APAF1: variants seen among roughly 807,000 people sequenced by gnomAD.
APAF1 encodes the protein apoptotic protease-activating factor 1.
In APAF1, 91 loss-of-function variants were observed where a neutral mutation model predicts 152.4. The ratio of observed to expected loss-of-function variants is 0.60; its 90% confidence interval spans 0.50 to 0.71. The LOEUF (loss-of-function observed/expected upper bound fraction) is 0.71. APAF1 is among the 30% of genes least tolerant of loss of function. The pLI is 0.00. For synonymous variants in APAF1, 484 were observed against 494.1 expected, an observed-to-expected ratio of 0.98 and a Z score of 0.27; for missense variants, 1,283 against 1,472.0, an observed-to-expected ratio of 0.87 and a Z score of 2.10.
intron 5 of APAF1, 110 bp from the exon 6 acceptor site, chr12:98,662,343 GTTT>G (rs201869264): frequency 1.0e-5 from 8 of 763,646 alleles, no homozygotes; most frequent in Non-Finnish European, 1.5e-5. Flanking sequence ...CCATCTATTT[GTTT>G]TAAAAAAAAT....
chr12:98,720,381 G>A (rs1486668499), intron 22 of APAF1, among the ~76,000 whole-genome samples: 5 of 152,132 alleles, frequency 3.3e-5, no homozygotes, highest in Non-Finnish European at 5.9e-5. Context: ...ATGACTGGTT[G>A]GGTTTTGTTT....
intron 22 of APAF1, among the ~76,000 whole-genome samples, chr12:98,720,880 T>C (rs1167316021): frequency 6.6e-6 from 1 of 151,618 alleles, no homozygotes; most frequent in Non-Finnish European, 1.5e-5. Context: ...GGCAGGAGAA[T>C]GGCATGAATC....
chr12:98,659,585 C>G (rs1040336074), intron 5 of APAF1, among the ~76,000 whole-genome samples: 6 of 151,926 alleles, frequency 3.9e-5, no homozygotes, highest in African/African-American at 1.5e-4. Flanking sequence ...AACCCCATCT[C>G]TACTAAACAT....
chr12:98,654,872 C>A (rs1593022358), intron 4 of APAF1, among the ~76,000 whole-genome samples: 2 of 89,976 alleles, frequency 2.2e-5, no homozygotes, highest in Admixed American at 2.8e-4. Context: ...GGGTGTTTCT[C>A]ACAGAGGGGG....
At position 98,677,710 on chromosome 12, in the gene APAF1, T is replaced by A. The variant is rs562553520; in HGVS notation, c.1920+159T>A. Among the ~76,000 whole-genome samples the A allele has an allele frequency of 7.9e-5, 12 of 152,346 alleles. No individual in the cohort carries two copies. The East Asian group carries it at 2.3e-3, about 29-fold the overall frequency. On this transcript the variant is annotated intron_variant, in intron 13 of 26. Coordinates refer to ENST00000551964, the MANE Select transcript of APAF1 (RefSeq NM_181861.2). ...TTTATTAAAGGTTTCTCTAGAGATT[T>A]AAAAGATACAGTTACATGTTTTCCT...
rs374689156 is a variant in APAF1 at position 98,649,026 on chromosome 12, GATA to G, written c.328+218_328+220del. Reference sequence around the variant, plus strand: ...CTTGCCCAGTGAACTGTACTGCTGAGATAATAATATGTCTACCCTAATTTTTAG... The same window carrying G: ...CTTGCCCAGTGAACTGTACTGCTGAGATAATATGTCTACCCTAATTTTTAG... On this transcript the variant is annotated intron_variant, in intron 3 of 26. Coordinates refer to ENST00000551964, the MANE Select transcript of APAF1 (RefSeq NM_181861.2). The G allele has an allele frequency of 5.8e-4, 412 of 707,594 alleles. 1 individual carries two copies. The African/African-American group carries it at 6.4e-3, about 11-fold the overall frequency. 43.8% of individuals were successfully genotyped at this position (707,594 alleles called of 1,614,324 possible). A position where few individuals can be genotyped will look rare whatever the true frequency, so the allele number is the denominator to read the frequency against.
intron 4 of APAF1, among the ~76,000 whole-genome samples, chr12:98,652,661 T>G (rs1210686406): frequency 6.6e-6 from 1 of 152,006 alleles, no homozygotes; most frequent in African/African-American, 2.4e-5. Context: ...AGTTTCGCTC[T>G]TGTTGCCCAG....
chr12:98,694,948 C>T (rs1033063634), intron 16 of APAF1, among the ~76,000 whole-genome samples: 1 of 150,478 alleles, frequency 6.6e-6, no homozygotes, highest in African/African-American at 2.5e-5. Context: ...CATCTCGGCT[C>T]ACTGCAAGAT....
At position 98,671,476 on chromosome 12, in the gene APAF1, G is replaced by A. The variant is rs1022618053; in HGVS notation, c.1609-59G>A. On this transcript the variant is annotated intron_variant, in intron 11 of 26. Transcript: ENST00000551964. ...TTTAAAGTGGCAAGATCACAGAAAT[G>A]GAAAAATGTCAGATCGTGGCTCTGA... is the stretch of plus-strand genomic sequence containing the variant. 3.3e-6 allele frequency: 5 copies of A among 1,534,796 alleles called. No individual in the cohort carries two copies. In the East Asian group the frequency reaches 1.1e-4, roughly 34 times the overall value.
At chr12:98,656,260 C>T (rs1335028381) in intron 4 of APAF1, among the ~76,000 whole-genome samples, 2 of 152,120 alleles carry the variant, frequency 1.3e-5, no homozygotes, top group African/African-American at 2.4e-5. Flanking sequence ...GTTAACAATT[C>T]GGAGTAAATT....
chr12:98,672,439 A>G (rs1445354842), intron 12 of APAF1, among the ~76,000 whole-genome samples: 1 of 152,168 alleles, frequency 6.6e-6, no homozygotes, highest in Admixed American at 6.5e-5. Flanking sequence ...TGCTGGGACT[A>G]CAGGCATGAG....
At chr12:98,730,051 C>T (rs1028256723) in intron 26 of APAF1, among the ~76,000 whole-genome samples, 6 of 152,182 alleles carry the variant, frequency 3.9e-5, no homozygotes, top group Non-Finnish European at 8.8e-5. Flanking sequence ...TTGATCATTA[C>T]ACATTGTATC....
At chr12:98,708,840 AATATAT>A in intron 20 of APAF1, 136 bp downstream of exon 20, 1 of 802,756 alleles carries the variant, frequency 1.2e-6, no homozygotes, top group Non-Finnish European at 2.0e-6. Context: ...TAGTTAAATA[AATATAT>A]ATAAGTCTTG....
chr12:98,649,764 A>G (rs1383803325), intron 4 of APAF1, 80 bp downstream of exon 4: 1 of 1,273,182 alleles, frequency 7.9e-7, no homozygotes, highest in Non-Finnish European at 1.1e-6. Flanking sequence ...TACGTGATAA[A>G]TTGAATGGTA....
At chr12:98,686,709 T>C (rs1477753561) in intron 15 of APAF1, 39 bp from the exon 16 acceptor site, 1 of 1,593,506 alleles carries the variant, frequency 6.3e-7, no homozygotes, top group African/African-American at 1.3e-5. Context: ...CCCCACTCAA[T>C]ACTAGTTGTT....
chr12:98,665,892 C>A, intron 8 of APAF1, 101 bp downstream of exon 8: 2 of 1,076,132 alleles, frequency 1.9e-6, no homozygotes, highest in Non-Finnish European at 2.9e-6. Flanking sequence ...GGATAAGACC[C>A]AGGGGACTGA....
At chr12:98,719,106 C>G (rs965454284) in intron 22 of APAF1, among the ~76,000 whole-genome samples, 2 of 152,192 alleles carry the variant, frequency 1.3e-5, no homozygotes, top group African/African-American at 4.8e-5. Flanking sequence ...TGAGAGCTCA[C>G]AAGGCTCACA....
intron 8 of APAF1, 101 bp from the exon 9 acceptor site, chr12:98,666,089 A>T: frequency 9.1e-7 from 1 of 1,101,196 alleles, no homozygotes; most frequent in Non-Finnish European, 1.4e-6. Context: ...ATTCTTACTC[A>T]GGGCTTTAAG....
At chr12:98,687,081 T>C (rs182019193) in intron 16 of APAF1, among the ~76,000 whole-genome samples, 39 of 152,260 alleles carry the variant, frequency 2.6e-4, no homozygotes, top group Non-Finnish European at 3.4e-4. Flanking sequence ...TTCTATAATG[T>C]AGGCTGGGTG....
Sources: gnomAD v4.1 joint callset for allele counts (sites outside exome capture counted in the v4.1 genomes callset) on GRCh38, gnomAD v4.1.1 for gene constraint, MANE v1.5 for transcripts, NCBI Gene and HGNC (gene_info 2026-07-23, HGNC 2026-07-21) for gene names.